Variants in AGO2 observed in about 807,000 individuals in gnomAD.
The protein encoded by AGO2 is protein argonaute-2.
A neutral mutation model predicts 102.3 loss-of-function variants in AGO2; 5 were observed. The observed-to-expected ratio is 0.05, with a 90% CI of 0.03 to 0.10. The LOEUF (loss-of-function observed/expected upper bound fraction) is 0.10, where lower values mean the gene tolerates loss of function less well. AGO2 is among the 10% of genes least tolerant of loss of function. The pLI is 1.00. For synonymous variants in AGO2, 449 were observed against 473.1 expected, an observed-to-expected ratio of 0.95 and a Z score of 0.66; for missense variants, 541 against 1,183.7, an observed-to-expected ratio of 0.46 and a Z score of 7.97.
chr8:140,608,338 C>A (rs1260764382), intron 1 of AGO2, among the ~76,000 whole-genome samples: 1 of 152,238 alleles, frequency 6.6e-6, no homozygotes, highest in Non-Finnish European at 1.5e-5. Context: ...GCAGTGGCCA[C>A]TTTCCCTGGT....
chr8:140,560,277 C>A, intron 5 of AGO2, 97 bp downstream of exon 5: 1 of 1,510,778 alleles, frequency 6.6e-7, no homozygotes, highest in East Asian at 2.3e-5. Context: ...AGAGGCCATG[C>A]GTGGAGCTGG....
At chr8:140,608,562 G>A (rs933900223) in intron 1 of AGO2, among the ~76,000 whole-genome samples, 3 of 152,238 alleles carry the variant, frequency 2.0e-5, no homozygotes, top group African/African-American at 7.2e-5. Flanking sequence ...GCGGGGACCT[G>A]AGCAGACACC....
chr8:140,526,486 G>A lies in AGO2; in HGVS notation c.*5558C>T, dbSNP rs569193362. ...TCCACCTGACACAGTAGAGGAGGAG[G>A]GGCTGCCCGTGGGTCACAGTATGGC... On this transcript the variant is annotated 3_prime_UTR_variant, in exon 19 of 19. Coordinates refer to ENST00000220592, the MANE Select transcript of AGO2 (RefSeq NM_012154.5). The surrounding 1 kb of genome is among the most constrained non-coding windows in gnomAD (Gnocchi z 5.2). 6.6e-6 allele frequency: 1 copy of A among 152,248 alleles called. No individual in the cohort carries two copies. Among genetic ancestry groups the A allele is most frequent in the South Asian group, 2.1e-4 (1 of 4,818 alleles). 9.4% of individuals were successfully genotyped at this position (152,248 alleles called of 1,614,324 possible). A position where few individuals can be genotyped will look rare whatever the true frequency, so the allele number is the denominator to read the frequency against.
intron 1 of AGO2, among the ~76,000 whole-genome samples, chr8:140,628,963 T>C (rs2074307987): frequency 1.3e-5 from 2 of 151,970 alleles, no homozygotes; most frequent in African/African-American, 4.8e-5. Context: ...TAGTGGCACA[T>C]GCCAGTAGTC....
intron 2 of AGO2, among the ~76,000 whole-genome samples, chr8:140,573,916 C>G (rs1344794073): frequency 6.6e-6 from 1 of 152,190 alleles, no homozygotes; most frequent in Non-Finnish European, 1.5e-5. Context: ...AAGAATGAGT[C>G]CCGGGTGCTG....
At chr8:140,639,233 G>A (rs2074427652), upstream of AGO2, among the ~76,000 whole-genome samples, 1 of 152,164 alleles carries the variant, frequency 6.6e-6, no homozygotes, top group African/African-American at 2.4e-5. Context: ...TGTAATCCTA[G>A]CACTTTGGGA....
At position 140,522,678 on chromosome 8, in the gene AGO2, GAGAGAC is replaced by G. The variant is rs112359504; in HGVS notation, c.*9360_*9365del. ...AGCCAAGCTAGACAAGAGAGAGAGA[GAGAGAC>G]AGAGACAGAGACAGAGAGAGGGAGG... On this transcript the variant is annotated 3_prime_UTR_variant, in exon 19 of 19. Coordinates refer to ENST00000220592, the MANE Select transcript of AGO2 (RefSeq NM_012154.5). 2.0e-3 allele frequency: 272 copies of G among 136,914 alleles called. 2 individuals are homozygous for G. The highest frequency in any genetic ancestry group is 6.8e-3 in the African/African-American group (254 of 37,194). The allele number at this position is 136,914 out of a possible 1,614,324, so 8.5% of individuals were successfully genotyped here. A position where few individuals can be genotyped will look rare whatever the true frequency, so the allele number is the denominator to read the frequency against.
chr8:140,537,961 G>A (rs1252438603), intron 16 of AGO2, among the ~76,000 whole-genome samples: 1 of 152,144 alleles, frequency 6.6e-6, no homozygotes, highest in Non-Finnish European at 1.5e-5. Context: ...TGGGACTACA[G>A]GCGCCCGCCA....
chr8:140,622,085 T>C (rs1442009839), intron 1 of AGO2, among the ~76,000 whole-genome samples: 1 of 152,188 alleles, frequency 6.6e-6, no homozygotes, highest in Non-Finnish European at 1.5e-5. Flanking sequence ...GAAACACTGA[T>C]GCTGCCGTGT....
intron 18 of AGO2, 77 bp from the exon 19 acceptor site, chr8:140,532,229 C>T (rs965395757): frequency 1.4e-5 from 21 of 1,472,228 alleles, no homozygotes; most frequent in Admixed American, 1.0e-4. Context: ...ATCACTAAGT[C>T]GGGATGGCAT....
In AGO2 at chr8:140,607,839, C is replaced by T. The variant is rs1046693090; in HGVS notation, c.23-22528G>A. Among the ~76,000 whole-genome samples the T allele has an allele frequency of 3.9e-5, 6 of 152,186 alleles. No homozygotes were observed. The South Asian group carries it at 6.2e-4, about 16-fold the overall frequency. ...GGGCTTCTGTTCCAGGCGATGGAAA[C>T]GTCTGGACCTAGATGGAGTGATGCG... is the stretch of plus-strand genomic sequence containing the variant. On this transcript the variant is annotated intron_variant, in intron 1 of 18. Coordinates refer to ENST00000220592, the MANE Select transcript of AGO2 (RefSeq NM_012154.5).
At chr8:140,535,189 C>T (rs527585852) in intron 17 of AGO2, among the ~76,000 whole-genome samples, 1 of 152,342 alleles carries the variant, frequency 6.6e-6, no homozygotes, top group East Asian at 1.9e-4. Context: ...GCTCCAGCCA[C>T]ACCACACCCC....
chr8:140,548,535 G>A (rs1326147703), intron 12 of AGO2, among the ~76,000 whole-genome samples: 3 of 152,106 alleles, frequency 2.0e-5, no homozygotes, highest in Non-Finnish European at 4.4e-5. Flanking sequence ...GGGCAGGTGT[G>A]GGGAAATGGT....
At chr8:140,536,727 T>C (rs2072705020) in intron 16 of AGO2, among the ~76,000 whole-genome samples, 1 of 152,170 alleles carries the variant, frequency 6.6e-6, no homozygotes, top group African/African-American at 2.4e-5. Context: ...AGAAGTGGCG[T>C]GTAGGTGTCA....
chr8:140,620,770 G>A (rs187283598), intron 1 of AGO2, among the ~76,000 whole-genome samples: 25 of 152,198 alleles, frequency 1.6e-4, no homozygotes, highest in Admixed American at 1.4e-3. Context: ...CAGGAGGATC[G>A]TTTGAGCAAG....
At chr8:140,585,673 G>A (rs961070819) in intron 1 of AGO2, among the ~76,000 whole-genome samples, 1 of 152,186 alleles carries the variant, frequency 6.6e-6, no homozygotes, top group Non-Finnish European at 1.5e-5. Flanking sequence ...CTCAGGAAGC[G>A]CTTTTTACTA....
At chr8:140,632,321 C>T (rs1311242741) in intron 1 of AGO2, among the ~76,000 whole-genome samples, 9 of 152,220 alleles carry the variant, frequency 5.9e-5, no homozygotes, top group Admixed American at 5.2e-4. Context: ...AACTGCCCCA[C>T]GGGTAGAGGG....
chr8:140,568,504 G>C (rs1185701436), intron 3 of AGO2, among the ~76,000 whole-genome samples: 3 of 152,134 alleles, frequency 2.0e-5, no homozygotes, highest in Non-Finnish European at 2.9e-5. Context: ...GACCTGGACG[G>C]GGCCTCCCTG....
intron 1 of AGO2, among the ~76,000 whole-genome samples, chr8:140,633,713 T>C (rs2074368932): frequency 6.6e-6 from 1 of 152,178 alleles, no homozygotes; most frequent in African/African-American, 2.4e-5. Flanking sequence ...TGAAAGGGAC[T>C]GCCCTGAGGA....
Sources: gnomAD v4.1 joint callset for allele counts (sites outside exome capture counted in the v4.1 genomes callset) on GRCh38, gnomAD v4.1.1 for gene constraint, Gnocchi (gnomAD v3.1) non-coding constraint, MANE v1.5 for transcripts, NCBI Gene and HGNC (gene_info 2026-07-23, HGNC 2026-07-21) for gene names.